CALU: variants seen among roughly 807,000 people sequenced by gnomAD.
CALU encodes IEF SSP 9302.
Under a neutral mutation model 37.5 loss-of-function variants are expected in CALU, and 13 were observed. The observed-to-expected ratio is 0.35, with a 90% CI of 0.23 to 0.55. The LOEUF is 0.55. Ranked by LOEUF, CALU falls within the 20% of genes least tolerant of loss-of-function variation. The probability of loss-of-function intolerance (pLI) is 0.89; values close to 1 mark genes in which losing one functional copy is unlikely to be tolerated. For missense variants in CALU, 282 were observed against 391.7 expected, an observed-to-expected ratio of 0.72 and a Z score of 2.36; for synonymous variants, 114 against 133.8, an observed-to-expected ratio of 0.85 and a Z score of 1.02.
rs758260737 is a variant in CALU, at chr7:128,769,155, T to C, written c.936T>C (p.His312=). Reference sequence around the variant, plus strand: ...ATTTTGGGGAGGCCTTAGTACGGCATGATGAGTTCTGAGCTACGGAGGAAC... The same window carrying C: ...ATTTTGGGGAGGCCTTAGTACGGCACGATGAGTTCTGAGCTACGGAGGAAC... ...ATDFGEALVR[H]DEF The change falls in exon 7 of 7, where the codon CAT becomes CAC. Residue 312 remains histidine, a synonymous_variant. Coordinates refer to ENST00000249364, the MANE Select transcript of CALU (RefSeq NM_001219.5). 2 of 1,575,288 alleles carry C rather than the reference T, an allele frequency of 1.3e-6. No homozygotes were observed. The highest frequency in any genetic ancestry group is 4.5e-5 in the East Asian group (2 of 44,712).
chr7:128,745,377 T>C (rs917333859), intron 1 of CALU, among the ~76,000 whole-genome samples: 1 of 152,208 alleles, frequency 6.6e-6, no homozygotes, highest in Non-Finnish European at 1.5e-5. Context: ...CCCAGCACTT[T>C]GGGAGGCCAG....
chr7:128,756,818 A>G (rs910128172), intron 3 of CALU, among the ~76,000 whole-genome samples: 1 of 152,204 alleles, frequency 6.6e-6, no homozygotes, highest in African/African-American at 2.4e-5. Flanking sequence ...GCTTATGCCT[A>G]TAATCCTAGC....
chr7:128,763,646 A>G (rs562542965), intron 5 of CALU, among the ~76,000 whole-genome samples: 2 of 152,346 alleles, frequency 1.3e-5, no homozygotes, highest in African/African-American at 4.8e-5. Flanking sequence ...CTTTAAAACC[A>G]TATCTTTTAA....
chr7:128,756,748 A>G (rs546762602), intron 3 of CALU, among the ~76,000 whole-genome samples: 2 of 152,320 alleles, frequency 1.3e-5, no homozygotes, highest in Admixed American at 1.3e-4. Context: ...CAGCATTCCA[A>G]GCAGAGCTAT....
chr7:128,748,506 T>C (rs1055317120), intron 1 of CALU, 67 bp from the exon 2 acceptor site: 3 of 1,320,340 alleles, frequency 2.3e-6, no homozygotes, highest in Middle Eastern at 1.9e-4. Context: ...GGATGTGAGC[T>C]TTTAATTTCT....
chr7:128,748,196 A>G lies in CALU; in HGVS notation c.-11-377A>G, dbSNP rs1368421248. 13 of 561,168 alleles carry G rather than the reference A, an allele frequency of 2.3e-5. No individual in the cohort carries two copies. In the Admixed American group the frequency reaches 3.9e-4, roughly 17 times the overall value. 34.8% of individuals were successfully genotyped at this position (561,168 alleles called of 1,614,324 possible). A position where few individuals can be genotyped will look rare whatever the true frequency, so the allele number is the denominator to read the frequency against. On this transcript the variant is annotated intron_variant, in intron 1 of 6. Transcript: ENST00000249364. ...TGAAGACCAGACCACCAATGCGTAC[A>G]AGAAGTAAAGGATTTGGAGTCAACA...
intron 2 of CALU, among the ~76,000 whole-genome samples, chr7:128,753,203 G>A (rs1433581832): frequency 2.0e-5 from 3 of 152,176 alleles, no homozygotes; most frequent in Admixed American, 6.5e-5. Flanking sequence ...AACACAAGCT[G>A]GGGAAAGACA....
intron 3 of CALU, chr7:128,754,659 A>G (rs773009689): frequency 6.4e-7 from 1 of 1,552,308 alleles, no homozygotes. Flanking sequence ...GGAGTTTGAT[A>G]TGAATCAAGA....
intron 5 of CALU, among the ~76,000 whole-genome samples, chr7:128,766,064 C>T (rs547828122): frequency 6.6e-6 from 1 of 152,198 alleles, no homozygotes; most frequent in Non-Finnish European, 1.5e-5. Context: ...TCAAGCGATT[C>T]TCCTGCCTCA....
At chr7:128,764,102 T>C (rs1178105329) in intron 5 of CALU, among the ~76,000 whole-genome samples, 2 of 152,152 alleles carry the variant, frequency 1.3e-5, no homozygotes, top group East Asian at 1.9e-4. Flanking sequence ...ATCTGAAATA[T>C]TTAATTAAGA....
intron 2 of CALU, among the ~76,000 whole-genome samples, chr7:128,752,030 A>T (rs1226034774): frequency 6.6e-6 from 1 of 152,210 alleles, no homozygotes; most frequent in Non-Finnish European, 1.5e-5. Flanking sequence ...GATAATTTAG[A>T]GCCTTATGCC....
At position 128,772,176 on chromosome 7, in the gene CALU, A is replaced by AAG. The variant is rs36090779; in HGVS notation, c.*3010_*3011insGA. The stretch of plus-strand genomic sequence containing the variant: ...CATCTCAGAATGGATCCCCAGCAGG[A>AAG]AAAAAAAAAAAAGTTACTAAAAAGG... On this transcript the variant is annotated 3_prime_UTR_variant, in exon 7 of 7. Transcript: ENST00000249364. Among the ~76,000 whole-genome samples, 1 of 32,546 alleles carries AAG rather than the reference A, an allele frequency of 3.1e-5. No homozygotes were observed. The highest frequency in any genetic ancestry group is 9.9e-5 in the African/African-American group (1 of 10,120). 21.4% of individuals were successfully genotyped at this position (32,546 alleles called of 152,430 possible). A position where few individuals can be genotyped will look rare whatever the true frequency, so the allele number is the denominator to read the frequency against.
Position 128,758,555 on chromosome 7 carries a change from A to C in CALU, c.416-316A>C, listed in dbSNP as rs1274937907. 5.3e-5 allele frequency among the ~76,000 whole-genome samples: 8 copies of C among 152,312 alleles called. No homozygotes were observed. In the East Asian group the frequency reaches 1.2e-3, roughly 22 times the overall value. ...TCAAACTCAGGCAGTATGGGACTTG[A>C]GAGCCACCACTGCCTTCCAGATGTA... On this transcript the variant is annotated intron_variant, in intron 3 of 6. Transcript: ENST00000249364.
At chr7:128,757,529 A>G (rs1028802537) in intron 3 of CALU, among the ~76,000 whole-genome samples, 6 of 152,116 alleles carry the variant, frequency 3.9e-5, no homozygotes, top group African/African-American at 1.4e-4. Context: ...AACTGTGCTT[A>G]AAGTATGGAA....
Position 128,748,816 on chromosome 7 carries a change from CCT to C in CALU, c.221+16_221+17del. 6.4e-7 allele frequency: 1 copy of C among 1,569,370 alleles called. No individual in the cohort carries two copies. The highest frequency in any genetic ancestry group is 8.8e-7 in the Non-Finnish European group (1 of 1,139,194). On this transcript the variant is annotated intron_variant, in intron 2 of 6. Transcript: ENST00000249364. ...AAGGAAAGGCTTGGGTAAGGTACCACCTCTCAGGGGTCTAGTGTGGGTAATGA... is the reference window on the plus strand; with the variant it reads ...AAGGAAAGGCTTGGGTAAGGTACCACCTCAGGGGTCTAGTGTGGGTAATGA...
At chr7:128,744,104 G>A (rs151112534) in intron 1 of CALU, among the ~76,000 whole-genome samples, 5 of 152,290 alleles carry the variant, frequency 3.3e-5, no homozygotes, top group African/African-American at 1.2e-4. Flanking sequence ...TATTGAGGAG[G>A]CTGAGGCAGG....
chr7:128,759,965 G>T (rs1032856365), intron 5 of CALU, 113 bp downstream of exon 5: 1 of 654,096 alleles, frequency 1.5e-6, no homozygotes, highest in African/African-American at 1.8e-5. Flanking sequence ...GGAGGCCGAG[G>T]CGGGCAGATC....
At chr7:128,766,928 C>T (rs1801358540) in intron 5 of CALU, among the ~76,000 whole-genome samples, 1 of 152,128 alleles carries the variant, frequency 6.6e-6, no homozygotes, top group Non-Finnish European at 1.5e-5. Context: ...TTATGAAGAT[C>T]AATTTTTGGA....
intron 5 of CALU, among the ~76,000 whole-genome samples, chr7:128,761,942 C>G (rs760804875): frequency 6.6e-6 from 1 of 152,138 alleles, no homozygotes; most frequent in Non-Finnish European, 1.5e-5. Flanking sequence ...TTGAATTACT[C>G]CTTGACTGTT....
Sources: gnomAD v4.1 joint callset for allele counts (sites outside exome capture counted in the v4.1 genomes callset) on GRCh38, gnomAD v4.1.1 for gene constraint, MANE v1.5 for transcripts, NCBI Gene and HGNC (gene_info 2026-07-23, HGNC 2026-07-21) for gene names.